TCEA1: variants seen among roughly 807,000 people sequenced by gnomAD.
TCEA1 encodes transcription elongation factor A1, also known as transcription elongation factor A protein 1.
TCEA1 carries 21 observed loss-of-function variants against 43.8 expected under a neutral mutation model. That is an observed-to-expected ratio of 0.48 (90% confidence interval 0.34 to 0.69). TCEA1 has a LOEUF of 0.69. Ranked by LOEUF, TCEA1 falls within the 30% of genes least tolerant of loss-of-function variation. The pLI is 0.01. For synonymous variants in TCEA1, 104 were observed against 117.5 expected (o/e 0.88, Z 0.75); for missense variants, 250 against 365.1 (o/e 0.68, Z 2.57).
intron 1 of TCEA1, among the ~76,000 whole-genome samples, chr8:54,013,916 G>A (rs1456171526): frequency 1.3e-5 from 2 of 152,112 alleles, no homozygotes; most frequent in Non-Finnish European, 2.9e-5. Context: ...AATATGTCAA[G>A]AAACTTGCAC....
At chr8:53,985,318 A>G (rs1803655808) in intron 6 of TCEA1, among the ~76,000 whole-genome samples, 1 of 152,152 alleles carries the variant, frequency 6.6e-6, no homozygotes, top group South Asian at 2.1e-4. Flanking sequence ...CGCCCGGCCT[A>G]GTCATGTTTT....
intron 9 of TCEA1, among the ~76,000 whole-genome samples, chr8:53,968,644 C>G: frequency 6.6e-6 from 1 of 151,290 alleles, no homozygotes; most frequent in East Asian, 2.0e-4. Flanking sequence ...GAGATCAAGA[C>G]CATCCTGGCC....
chr8:54,021,999 C>T (rs954403689), intron 1 of TCEA1, 64 bp downstream of exon 1: 2 of 1,407,208 alleles, frequency 1.4e-6, no homozygotes, highest in African/African-American at 3.0e-5. Context: ...AGGGAGGGGG[C>T]GGCCCCCTCG....
intron 7 of TCEA1, among the ~76,000 whole-genome samples, chr8:53,979,860 G>A (rs1803450675): frequency 6.6e-6 from 1 of 152,044 alleles, no homozygotes; most frequent in Non-Finnish European, 1.5e-5. Context: ...TCACCCAGAG[G>A]TACAGAAGGA....
chr8:53,985,539 C>T (rs1366172825), intron 6 of TCEA1, among the ~76,000 whole-genome samples: 4 of 152,160 alleles, frequency 2.6e-5, no homozygotes, highest in Non-Finnish European at 2.9e-5. Context: ...TCAGCATGGC[C>T]GTGAGGGTTC....
At chr8:54,018,963 C>G (rs1804932947) in intron 1 of TCEA1, among the ~76,000 whole-genome samples, 1 of 152,136 alleles carries the variant, frequency 6.6e-6, no homozygotes, top group Non-Finnish European at 1.5e-5. Flanking sequence ...CTTCACTTGG[C>G]CATTCACTAG....
rs376743416 is a variant in TCEA1 at position 54,022,304 on chromosome 8, C to T, written c.-179G>A. ...GGCGGCGGCGGCGGCGGCGGCGGCT[C>T]CGGCTCCTCCTCCCCAGGCAGCGAC... On this transcript the variant is annotated 5_prime_UTR_variant, in exon 1 of 10. Transcript: ENST00000521604. The T allele has an allele frequency of 1.5e-5, 10 of 664,356 alleles. No individual in the cohort carries two copies. The highest frequency in any genetic ancestry group is 7.1e-5 in the South Asian group (4 of 56,724). The allele number at this position is 664,356 out of a possible 1,614,324, so 41.2% of individuals were successfully genotyped here.
intron 2 of TCEA1, among the ~76,000 whole-genome samples, chr8:54,004,212 GAA>G (rs150164975): frequency 2.0e-5 from 3 of 152,282 alleles, no homozygotes; most frequent in Admixed American, 1.3e-4. Flanking sequence ...GGTGGCTGGA[GAA>G]AAGAGTCTGG....
intron 8 of TCEA1, among the ~76,000 whole-genome samples, chr8:53,974,598 G>A (rs1279906023): frequency 6.6e-6 from 1 of 151,930 alleles, no homozygotes; most frequent in African/African-American, 2.4e-5. Flanking sequence ...CATGATCTCA[G>A]CTCACTGCAA....
intron 2 of TCEA1, among the ~76,000 whole-genome samples, chr8:54,005,236 T>C (rs1297607815): frequency 6.6e-6 from 1 of 152,238 alleles, no homozygotes; most frequent in African/African-American, 2.4e-5. Flanking sequence ...TTTACATATA[T>C]GGCTATTTAA....
chr8:53,970,527 G>C lies in TCEA1; in HGVS notation c.826-64C>G. ...TATTAAAAAACCCAACCCAAATAATGTTATACATAAAGATATATATTTAAT... is the reference window on the plus strand; with the variant it reads ...TATTAAAAAACCCAACCCAAATAATCTTATACATAAAGATATATATTTAAT... On this transcript the variant is annotated intron_variant, in intron 8 of 9. Transcript: ENST00000521604. 7.6e-6 allele frequency: 6 copies of C among 787,492 alleles called. No homozygotes were observed. The South Asian group carries it at 1.0e-4, about 13-fold the overall frequency. 48.8% of individuals were successfully genotyped at this position (787,492 alleles called of 1,614,324 possible).
intron 8 of TCEA1, 33 bp downstream of exon 8, chr8:53,978,992 T>C: frequency 6.4e-7 from 1 of 1,571,852 alleles, no homozygotes; most frequent in Middle Eastern, 1.9e-4. Flanking sequence ...AGCATTTTTA[T>C]ATAAAAATAA....
chr8:53,992,003 C>A (rs1164781818), intron 4 of TCEA1, among the ~76,000 whole-genome samples: 1 of 152,020 alleles, frequency 6.6e-6, no homozygotes, highest in Non-Finnish European at 1.5e-5. Context: ...TCGGTAGTTG[C>A]CTTAATGTCC....
intron 9 of TCEA1, 122 bp downstream of exon 9, chr8:53,970,269 AG>A: frequency 2.6e-6 from 2 of 763,486 alleles, no homozygotes; most frequent in Non-Finnish European, 4.8e-6. Flanking sequence ...AGGGAGTACA[AG>A]AGTACTGTAT....
At chr8:54,011,394 C>T (rs1008078994) in intron 1 of TCEA1, among the ~76,000 whole-genome samples, 6 of 152,274 alleles carry the variant, frequency 3.9e-5, no homozygotes, top group Middle Eastern at 3.4e-3. Flanking sequence ...AGCTGCTTTT[C>T]ACCTCCAATG....
chr8:53,978,405 A>C (rs1322675738), intron 8 of TCEA1: 1 of 152,212 alleles, frequency 6.6e-6, no homozygotes, highest in Non-Finnish European at 1.5e-5. Flanking sequence ...ACAATTCATC[A>C]GTTTTAAACT....
intron 2 of TCEA1, chr8:54,009,614 T>C (rs1033179869): frequency 6.6e-6 from 1 of 152,060 alleles, no homozygotes; most frequent in Non-Finnish European, 1.5e-5. Flanking sequence ...GCTAAAACAG[T>C]GAGCCTCACA....
chr8:53,982,374 G>A (rs879734060), intron 7 of TCEA1, among the ~76,000 whole-genome samples: 2 of 152,008 alleles, frequency 1.3e-5, no homozygotes, highest in African/African-American at 4.8e-5. Context: ...TTGGAAGGCC[G>A]AGGCGGGTGG....
chr8:54,019,875 T>C (rs1409647991), intron 1 of TCEA1, among the ~76,000 whole-genome samples: 2 of 151,662 alleles, frequency 1.3e-5, no homozygotes, highest in Non-Finnish European at 2.9e-5. Flanking sequence ...CAGTTTTACC[T>C]TTCTTTTTGG....
Sources: allele counts gnomAD v4.1 joint callset (sites outside exome capture counted in the v4.1 genomes callset), GRCh38; gene constraint gnomAD v4.1.1; transcripts MANE v1.5; gene names NCBI Gene and HGNC (gene_info 2026-07-23, HGNC 2026-07-21).